The following EXO1 variants were observed in gnomAD, a reference collection of about 807,000 sequenced individuals.
EXO1 encodes exonuclease 1.
EXO1 carries 69 observed loss-of-function variants against 84.5 expected under a neutral mutation model. The observed-to-expected ratio is 0.82, with a 90% CI of 0.67 to 1.00. The LOEUF is 1.00. Among genes scored for constraint, EXO1 ranks in the 50% least tolerant of loss-of-function variants. The pLI is 0.00. For synonymous variants in EXO1, 373 were observed against 366.1 expected (o/e 1.02, Z -0.21); for missense variants, 1,045 against 1,000.7 (o/e 1.04, Z -0.60).
chr1:241,879,910 G>A (rs1662653166), intron 13 of EXO1, among the ~76,000 whole-genome samples: 1 of 151,858 alleles, frequency 6.6e-6, no homozygotes. Flanking sequence ...GGGAGGCTGA[G>A]GCAGGGTAAT....
At position 241,888,393 on chromosome 1, in the gene EXO1, C is replaced by T. The variant is rs764252427; in HGVS notation, c.2406-1072C>T. On this transcript the variant is annotated intron_variant, in intron 15 of 15. Coordinates refer to ENST00000366548, the MANE Select transcript of EXO1 (RefSeq NM_130398.4). ...GAATACAAATAGTCCTGGTATGACT[C>T]GTACGGTGTGATGCCACTGTCTTGA... is the stretch of plus-strand genomic sequence containing the variant. Among the ~76,000 whole-genome samples, 94 of 115,450 alleles carry T rather than the reference C, an allele frequency of 8.1e-4. 1 individual carries two copies. Among genetic ancestry groups the T allele is most frequent in the Non-Finnish European group, 5.5e-4 (27 of 48,954 alleles). The allele number at this position is 115,450 out of a possible 152,430, so 75.7% of individuals were successfully genotyped here.
At chr1:241,869,403 G>A (rs1661944153) in intron 11 of EXO1, among the ~76,000 whole-genome samples, 1 of 152,180 alleles carries the variant, frequency 6.6e-6, no homozygotes, top group African/African-American at 2.4e-5. Flanking sequence ...TCACCATAGA[G>A]GATGTTTAAA....
At position 241,866,746 on chromosome 1, in the gene EXO1, T is replaced by G. The variant is rs558408748; in HGVS notation, c.1042-84T>G. Reference sequence around the variant, plus strand: ...TGTTTTTAAGGGTAACTTAAGATGTTTATTTATAATTTATGTTGATACAGA... The same window carrying G: ...TGTTTTTAAGGGTAACTTAAGATGTGTATTTATAATTTATGTTGATACAGA... On this transcript the variant is annotated intron_variant, in intron 10 of 15. Transcript: ENST00000366548. The G allele has an allele frequency of 5.0e-5, 52 of 1,035,510 alleles. No individual in the cohort carries two copies. In the African/African-American group the frequency reaches 8.1e-4, roughly 16 times the overall value. 64.1% of individuals were successfully genotyped at this position (1,035,510 alleles called of 1,614,324 possible).
rs61750993 is a variant in EXO1, at chr1:241,858,707, G to A, written c.745G>A (p.Asp249Asn). Residue 249 changes from aspartate (D) to asparagine (N), a missense_variant, in exon 8 of 16, where the codon GAT becomes AAT. Transcript: ENST00000366548. ...CKVLRLANNPDIVKVIKKIGH... is the reference protein window; with the variant it reads ...CKVLRLANNPNIVKVIKKIGH... Reference sequence around the variant, plus strand: ...AGTCCTAAGACTAGCCAATAATCCAGATATAGTAAAGGTAAGAGTGATTTG... The same window carrying A: ...AGTCCTAAGACTAGCCAATAATCCAAATATAGTAAAGGTAAGAGTGATTTG... The A allele has an allele frequency of 3.5e-3, 5,684 of 1,609,166 alleles. 12 individuals are homozygous for A. The highest frequency in any genetic ancestry group is 4.5e-3 in the Non-Finnish European group (5,252 of 1,175,504).
chr1:241,883,670 A>G (rs1335122183), intron 14 of EXO1, among the ~76,000 whole-genome samples: 2 of 152,224 alleles, frequency 1.3e-5, no homozygotes, highest in African/African-American at 2.4e-5. Flanking sequence ...GTTTTTTGCA[A>G]TCATATCTAC....
intron 10 of EXO1, among the ~76,000 whole-genome samples, chr1:241,863,950 G>A (rs572164840): frequency 6.6e-6 from 1 of 152,108 alleles, no homozygotes; most frequent in Non-Finnish European, 1.5e-5. Flanking sequence ...TATATCTAGG[G>A]ACTCTTTAAT....
At chr1:241,865,636 A>C (rs985966424) in intron 10 of EXO1, among the ~76,000 whole-genome samples, 1 of 143,424 alleles carries the variant, frequency 7.0e-6, no homozygotes, top group Non-Finnish European at 1.5e-5. Flanking sequence ...GCCATCCTTC[A>C]TCAGCTCAAA....
At chr1:241,863,037 G>A (rs1317145971) in intron 10 of EXO1, among the ~76,000 whole-genome samples, 2 of 152,142 alleles carry the variant, frequency 1.3e-5, no homozygotes, top group Non-Finnish European at 2.9e-5. Context: ...TGCGGTAAGT[G>A]CTACGCTAAA....
At chr1:241,879,414 G>A (rs1662612072) in intron 13 of EXO1, 71 bp downstream of exon 13, 1 of 931,834 alleles carries the variant, frequency 1.1e-6, no homozygotes, top group East Asian at 2.5e-5. Context: ...CTCAAACTGA[G>A]GAAATTTTTC....
intron 14 of EXO1, among the ~76,000 whole-genome samples, chr1:241,884,372 T>C (rs1437402547): frequency 6.6e-6 from 1 of 152,220 alleles, no homozygotes; most frequent in Non-Finnish European, 1.5e-5. Context: ...TTAATATACC[T>C]CATTCTTACT....
chr1:241,880,537 C>T (rs1355748091), intron 13 of EXO1, among the ~76,000 whole-genome samples: 4 of 152,142 alleles, frequency 2.6e-5, no homozygotes, highest in Non-Finnish European at 4.4e-5. Context: ...ATCCTCCTCC[C>T]CTAGCCATGC....
intron 15 of EXO1, among the ~76,000 whole-genome samples, 166 bp from the exon 16 acceptor site, chr1:241,889,299 G>T (rs1320895817): frequency 3.9e-5 from 6 of 152,124 alleles, no homozygotes; most frequent in Admixed American, 3.9e-4. Context: ...GAATGTATTG[G>T]GAGTGCTCAC....
Position 241,850,125 on chromosome 1 carries a change from C to CA in EXO1, c.-17-278dup, listed in dbSNP as rs553840958. Among the ~76,000 whole-genome samples the CA allele has an allele frequency of 3.0e-3, 453 of 151,614 alleles. 4 individuals carry two copies. Among genetic ancestry groups the CA allele is most frequent in the African/African-American group, 0.01 (417 of 41,378 alleles). On this transcript the variant is annotated intron_variant, in intron 3 of 15. Coordinates refer to ENST00000366548, the MANE Select transcript of EXO1 (RefSeq NM_130398.4). ...TGAAACCCCGTCTCTACTAAAAATA[C>CA]AAAAAATTAGCCGGGCGCGGTGGCG...
At chr1:241,885,658 TTTATAC>T in intron 15 of EXO1, 151 bp downstream of exon 15, 1 of 695,596 alleles carries the variant, frequency 1.4e-6, no homozygotes. Context: ...TAGCTAACTC[TTTATAC>T]TTAATATCAA....
At chr1:241,871,909 T>G in intron 11 of EXO1, 123 bp from the exon 12 acceptor site, 1 of 635,884 alleles carries the variant, frequency 1.6e-6, no homozygotes, top group Non-Finnish European at 2.6e-6. Flanking sequence ...TTCTGAGGCA[T>G]AGTTTTTTTT....
At position 241,860,543 on chromosome 1, in the gene EXO1, C is replaced by G; in HGVS notation, c.783C>G (p.Leu261=). 1 of 1,613,832 alleles carries G rather than the reference C, an allele frequency of 6.2e-7. No individual in the cohort carries two copies. The highest frequency in any genetic ancestry group is 1.1e-5 in the South Asian group (1 of 91,064). The change falls in exon 9 of 16, where the codon CTC becomes CTG. Residue 261 remains leucine (L), a synonymous_variant. Coordinates refer to ENST00000366548, the MANE Select transcript of EXO1 (RefSeq NM_130398.4). ...TTATCAAGAAAATTGGACATTATCT[C>G]AAGATGAATATCACGGTACCAGAGG... ...VKVIKKIGHY[L]KMNITVPEDY...
chr1:241,886,675 A>G (rs987480290), intron 15 of EXO1, among the ~76,000 whole-genome samples: 4 of 152,210 alleles, frequency 2.6e-5, no homozygotes. Flanking sequence ...TGGTTTATTT[A>G]GGTTATATTT....
At chr1:241,852,524 T>C in intron 5 of EXO1, 113 bp downstream of exon 5, 1 of 904,532 alleles carries the variant, frequency 1.1e-6, no homozygotes, top group Non-Finnish European at 1.8e-6. Context: ...TTGCACCTGT[T>C]GTCCTAGGTA....
At chr1:241,860,894 AC>A (rs1661344616) in intron 9 of EXO1, among the ~76,000 whole-genome samples, 190 bp downstream of exon 9, 1 of 152,124 alleles carries the variant, frequency 6.6e-6, no homozygotes, top group Non-Finnish European at 1.5e-5. Context: ...TTGTTTATAA[AC>A]CCGAGGCTCA....
Sources: allele counts gnomAD v4.1 joint callset (sites outside exome capture counted in the v4.1 genomes callset), GRCh38; gene constraint gnomAD v4.1.1; transcripts MANE v1.5; gene names NCBI Gene and HGNC (gene_info 2026-07-23, HGNC 2026-07-21).